Variants in CDH13 observed in about 807,000 individuals in gnomAD.
CDH13 encodes cadherin-13.
Under a neutral mutation model 63.8 loss-of-function variants are expected in CDH13, and 24 were observed. The ratio of observed to expected loss-of-function variants is 0.38; its 90% CI spans 0.27 to 0.53. The LOEUF is 0.53. CDH13 is among the 20% of genes least tolerant of loss of function. CDH13 has a pLI of 0.85. For synonymous variants in CDH13, 503 were observed against 355.3 expected, an observed-to-expected ratio of 1.42 and a Z score of -4.67; for missense variants, 1,049 against 903.1, an observed-to-expected ratio of 1.16 and a Z score of -2.07.
chr16:83,498,653 C>G (rs2074202962), intron 7 of CDH13, among the ~76,000 whole-genome samples: 1 of 152,118 alleles, frequency 6.6e-6, no homozygotes, highest in African/African-American at 2.4e-5. Context: ...AGATTTAAAC[C>G]CCTATCAGCC....
At chr16:83,757,532 C>T (rs1441841396) in intron 11 of CDH13, among the ~76,000 whole-genome samples, 3 of 152,066 alleles carry the variant, frequency 2.0e-5, no homozygotes, top group Non-Finnish European at 2.9e-5. Context: ...GAACCAAGAT[C>T]GCACCACTGC....
intron 2 of CDH13, among the ~76,000 whole-genome samples, chr16:83,014,462 G>A (rs1914483543): frequency 6.6e-6 from 1 of 151,652 alleles, no homozygotes; most frequent in Non-Finnish European, 1.5e-5. Flanking sequence ...GGCCGACCAT[G>A]GTGGCTTATG....
chr16:83,747,131 G>C (rs186933512), intron 10 of CDH13, among the ~76,000 whole-genome samples: 24 of 152,292 alleles, frequency 1.6e-4, no homozygotes, highest in South Asian at 6.2e-4. Context: ...CAGTGTTCAA[G>C]CAGCTGGTGT....
chr16:82,847,459 G>C (rs1258142579), intron 1 of CDH13, among the ~76,000 whole-genome samples: 1 of 152,126 alleles, frequency 6.6e-6, no homozygotes, highest in South Asian at 2.1e-4. Flanking sequence ...GCAATGTGGG[G>C]CTGAGTTCAT....
rs552373486 is a variant in CDH13 at position 83,500,254 on chromosome 16, TC to T, written c.960+13600del. Among the ~76,000 whole-genome samples, 5 of 2,756 alleles carry T rather than the reference TC, an allele frequency of 1.8e-3. 1 individual carries two copies. In the South Asian group the frequency reaches 0.25, roughly 138 times the overall value. The allele number at this position is 2,756 out of a possible 152,430, so 1.8% of individuals were successfully genotyped here. On this transcript the variant is annotated intron_variant, in intron 7 of 13. Transcript: ENST00000567109. ...TTCTCCTTCTTCTTCTTCTTCTTCT[TC>T]TTCTTCTTCTTCTTCTTCTTCTTCT... is the stretch of plus-strand genomic sequence containing the variant.
At chr16:83,231,020 G>A (rs895690022) in intron 5 of CDH13, among the ~76,000 whole-genome samples, 3 of 152,020 alleles carry the variant, frequency 2.0e-5, no homozygotes, top group Non-Finnish European at 2.9e-5. Flanking sequence ...CATCTTCCTC[G>A]GGCTCTGACC....
chr16:83,262,198 C>G (rs1374344090), intron 5 of CDH13, among the ~76,000 whole-genome samples: 2 of 152,168 alleles, frequency 1.3e-5, no homozygotes, highest in African/African-American at 2.4e-5. Flanking sequence ...CCCTGGAGAC[C>G]TGGGCATGAG....
intron 6 of CDH13, 118 bp downstream of exon 6, chr16:83,345,124 A>G: frequency 8.6e-7 from 1 of 1,156,118 alleles, no homozygotes; most frequent in Non-Finnish European, 1.2e-6. Flanking sequence ...ATCAGCGTCG[A>G]CTTAATACTT....
At chr16:83,140,638 A>G (rs1386545228) in intron 4 of CDH13, among the ~76,000 whole-genome samples, 1 of 152,110 alleles carries the variant, frequency 6.6e-6, no homozygotes, top group African/African-American at 2.4e-5. Context: ...TACTTTTAGT[A>G]GAGAAGGGGT....
intron 2 of CDH13, among the ~76,000 whole-genome samples, chr16:82,977,680 T>C (rs769720132): frequency 2.0e-5 from 3 of 152,180 alleles, no homozygotes; most frequent in Non-Finnish European, 4.4e-5. Context: ...TATGTCTTTA[T>C]TAGCAGCATA....
intron 2 of CDH13, among the ~76,000 whole-genome samples, chr16:82,867,010 G>A (rs1303475726): frequency 2.0e-5 from 3 of 152,228 alleles, no homozygotes; most frequent in South Asian, 2.1e-4. Flanking sequence ...GCAAGCTTCT[G>A]TGAGTGTGGA....
At chr16:83,427,707 C>G (rs552584947) in intron 6 of CDH13, among the ~76,000 whole-genome samples, 71 of 152,246 alleles carry the variant, frequency 4.7e-4, no homozygotes, top group African/African-American at 1.5e-3. Context: ...CTCGGCAGGC[C>G]TGGTGCTACT....
intron 7 of CDH13, among the ~76,000 whole-genome samples, chr16:83,585,533 A>C (rs2150728734): frequency 6.6e-6 from 1 of 152,194 alleles, no homozygotes; most frequent in African/African-American, 2.4e-5. Flanking sequence ...AGTGCTCGTG[A>C]CACATTCAGC....
chr16:83,693,647 A>C (rs991853911), intron 10 of CDH13, among the ~76,000 whole-genome samples: 1 of 152,206 alleles, frequency 6.6e-6, no homozygotes, highest in African/African-American at 2.4e-5. Flanking sequence ...GTGCCAGTGA[A>C]TGAATGGCGA....
chr16:82,678,516 T>C (rs1914192169), intron 1 of CDH13, among the ~76,000 whole-genome samples: 1 of 152,198 alleles, frequency 6.6e-6, no homozygotes, highest in South Asian at 2.1e-4. Context: ...TGGTCCTAAG[T>C]ACTCAAAAGT....
intron 5 of CDH13, among the ~76,000 whole-genome samples, chr16:83,263,546 C>T (rs1347982475): frequency 6.6e-6 from 1 of 152,172 alleles, no homozygotes; most frequent in Non-Finnish European, 1.5e-5. Context: ...TCCCTAGCCA[C>T]CGCCCACTGA....
chr16:83,396,358 A>G (rs1164009517), intron 6 of CDH13, among the ~76,000 whole-genome samples: 1 of 152,174 alleles, frequency 6.6e-6, no homozygotes, highest in Non-Finnish European at 1.5e-5. Context: ...ATGATCAGCT[A>G]TTGAGTAAGC....
chr16:82,808,986 T>A (rs996242391), intron 1 of CDH13, among the ~76,000 whole-genome samples: 3 of 152,232 alleles, frequency 2.0e-5, no homozygotes, highest in South Asian at 2.1e-4. Flanking sequence ...TCTGTAGATA[T>A]GTGTATATGT....
chr16:83,282,059 T>C (rs2151857215), intron 5 of CDH13, among the ~76,000 whole-genome samples: 2 of 152,246 alleles, frequency 1.3e-5, no homozygotes, highest in East Asian at 3.9e-4. Context: ...TATTGTGATA[T>C]CTCAGGGAAT....
Sources: gnomAD v4.1 joint callset for allele counts (sites outside exome capture counted in the v4.1 genomes callset) on GRCh38, gnomAD v4.1.1 for gene constraint, MANE v1.5 for transcripts, NCBI Gene and HGNC (gene_info 2026-07-23, HGNC 2026-07-21) for gene names.